The following PDE4B variants were observed in gnomAD, a reference collection of about 807,000 sequenced individuals.
PDE4B encodes the protein 3',5'-cyclic-AMP phosphodiesterase 4B.
In PDE4B, 20 loss-of-function variants were observed where a neutral mutation model predicts 82.2. The ratio of observed to expected loss-of-function variants is 0.24; its 90% confidence interval spans 0.17 to 0.35. The LOEUF (loss-of-function observed/expected upper bound fraction) is 0.35. Among genes scored for constraint, PDE4B ranks in the 10% least tolerant of loss-of-function variants. The pLI, the probability that PDE4B is intolerant of heterozygous loss-of-function variation, is 1.00. For synonymous variants in PDE4B, 320 were observed against 318.9 expected (o/e 1.00, Z -0.04); for missense variants, 655 against 907.2 (o/e 0.72, Z 3.57).
chr1:66,250,869 C>T (rs1653717159), intron 4 of PDE4B, among the ~76,000 whole-genome samples: 1 of 152,158 alleles, frequency 6.6e-6, no homozygotes, highest in Non-Finnish European at 1.5e-5. Flanking sequence ...TTGGTCATCC[C>T]ATTTTGCAAA....
intron 1 of PDE4B, among the ~76,000 whole-genome samples, chr1:65,862,670 G>T (rs979154676): frequency 6.6e-6 from 1 of 151,998 alleles, no homozygotes; most frequent in Non-Finnish European, 1.5e-5. Flanking sequence ...CTGTGAATCC[G>T]TCTGGTCCTG....
chr1:65,951,483 C>T (rs989580824), intron 3 of PDE4B, among the ~76,000 whole-genome samples: 1 of 151,980 alleles, frequency 6.6e-6, no homozygotes, highest in African/African-American at 2.4e-5. Flanking sequence ...AAAAGTGTCA[C>T]CTCTCGTCAG....
intron 3 of PDE4B, among the ~76,000 whole-genome samples, chr1:65,965,454 A>C (rs2997082): frequency 0.98 from 148,810 of 152,074 alleles, 72,890 homozygotes; most frequent in Middle Eastern, 1. Flanking sequence ...ATGAAGCGAT[A>C]CACATTAGAC....
chr1:66,037,465 G>A (rs1654128053), intron 3 of PDE4B, among the ~76,000 whole-genome samples: 2 of 152,052 alleles, frequency 1.3e-5, no homozygotes, highest in Non-Finnish European at 2.9e-5. Context: ...GTTGATTTAT[G>A]TATCCTGTAA....
intron 1 of PDE4B, among the ~76,000 whole-genome samples, chr1:65,805,240 C>T (rs1002385368): frequency 1.3e-5 from 2 of 152,222 alleles, no homozygotes; most frequent in African/African-American, 4.8e-5. Context: ...GCTGGGATTA[C>T]AGGCGTGAGC....
At chr1:65,972,050 A>G (rs1937441) in intron 3 of PDE4B, among the ~76,000 whole-genome samples, 41,366 of 152,116 alleles carry the variant, frequency 0.27, 5,898 homozygotes, top group East Asian at 0.45. Context: ...TTTCCTAGGC[A>G]GACTAGGTAG....
intron 1 of PDE4B, among the ~76,000 whole-genome samples, chr1:65,892,582 TC>T (rs1646863978): frequency 3.9e-5 from 6 of 152,080 alleles, no homozygotes; most frequent in Admixed American, 3.9e-4. Flanking sequence ...CGTGTCTGCA[TC>T]TGTACCCACC....
At chr1:66,325,686 T>C (rs1401938034) in intron 7 of PDE4B, among the ~76,000 whole-genome samples, 1 of 152,220 alleles carries the variant, frequency 6.6e-6, no homozygotes, top group Non-Finnish European at 1.5e-5. Context: ...TAGGATTTCA[T>C]GGCCAACCTT....
At chr1:65,959,585 T>G (rs1414371663) in intron 3 of PDE4B, among the ~76,000 whole-genome samples, 2 of 152,112 alleles carry the variant, frequency 1.3e-5, no homozygotes, top group East Asian at 3.9e-4. Context: ...CATTATAGCT[T>G]AGATTCTTTA....
At chr1:66,091,387 A>T (rs929820867) in intron 3 of PDE4B, among the ~76,000 whole-genome samples, 3 of 152,064 alleles carry the variant, frequency 2.0e-5, no homozygotes, top group Non-Finnish European at 4.4e-5. Context: ...AATTCCAAAA[A>T]AAATCAGGTT....
At chr1:66,100,899 G>GTA (rs1645208822) in intron 3 of PDE4B, among the ~76,000 whole-genome samples, 2 of 152,128 alleles carry the variant, frequency 1.3e-5, no homozygotes, top group Admixed American at 1.3e-4. Context: ...TGTTGCATAT[G>GTA]TATACATGTG....
At position 66,372,374 on chromosome 1, in the gene PDE4B, C is replaced by A; in HGVS notation, c.1907C>A (p.Pro636His). Residue 636 changes from proline (P) to histidine (H), a missense_variant, in exon 17 of 17, where the codon CCT becomes CAT. This residue lies in a region of PDE4B where 283 missense variants were observed against 516.4 expected (regional missense o/e 0.55). Transcript: ENST00000341517. Reference sequence around the variant, plus strand: ...GAGACATGGGCAGATTTGGTACAGCCTGATGCTCAGGACATTCTCGATACC... The same window carrying A: ...GAGACATGGGCAGATTTGGTACAGCATGATGCTCAGGACATTCTCGATACC... ...LWETWADLVQ[P>H]DAQDILDTLE... The A allele has an allele frequency of 6.2e-7, 1 of 1,614,060 alleles. No homozygotes were observed. The highest frequency in any genetic ancestry group is 8.5e-7 in the Non-Finnish European group (1 of 1,179,948).
intron 7 of PDE4B, among the ~76,000 whole-genome samples, chr1:66,268,811 A>AT (rs1234152364): frequency 6.6e-6 from 1 of 150,620 alleles, no homozygotes; most frequent in African/African-American, 2.4e-5. Flanking sequence ...AAGACATCTT[A>AT]TTTTTTTTTA....
intron 3 of PDE4B, among the ~76,000 whole-genome samples, chr1:66,005,225 G>GTCCATA (rs1204684919): frequency 1.3e-5 from 2 of 151,982 alleles, no homozygotes; most frequent in Non-Finnish European, 2.9e-5. Flanking sequence ...ATGTAAGTGA[G>GTCCATA]AGACTGGAGA....
chr1:66,066,592 G>A (rs780794228), intron 3 of PDE4B, among the ~76,000 whole-genome samples: 1 of 151,884 alleles, frequency 6.6e-6, no homozygotes, highest in African/African-American at 2.4e-5. Flanking sequence ...AGTTCCAGGT[G>A]AATTTATATG....
intron 1 of PDE4B, among the ~76,000 whole-genome samples, chr1:65,897,136 T>C (rs979923991): frequency 1.3e-5 from 2 of 152,168 alleles, no homozygotes; most frequent in African/African-American, 4.8e-5. Context: ...TATTTCTATT[T>C]TAATAAATAA....
chr1:66,361,278 C>T (rs753054542), intron 9 of PDE4B, among the ~76,000 whole-genome samples: 1 of 152,054 alleles, frequency 6.6e-6, no homozygotes, highest in Non-Finnish European at 1.5e-5. Context: ...TAAGTGTGTA[C>T]TCCTTATACA....
At chr1:66,082,985 C>T (rs1378718963) in intron 3 of PDE4B, among the ~76,000 whole-genome samples, 1 of 152,062 alleles carries the variant, frequency 6.6e-6, no homozygotes, top group Non-Finnish European at 1.5e-5. Flanking sequence ...CATAGCCAAT[C>T]ACAAAATCCT....
At chr1:65,838,561 A>G (rs1488434124) in intron 1 of PDE4B, among the ~76,000 whole-genome samples, 3 of 147,716 alleles carry the variant, frequency 2.0e-5, no homozygotes, top group Non-Finnish European at 3.0e-5. Flanking sequence ...ATATATATGT[A>G]TATGTATATA....
Sources: allele counts gnomAD v4.1 joint callset (sites outside exome capture counted in the v4.1 genomes callset), GRCh38; gene constraint gnomAD v4.1.1; regional missense constraint gnomAD v4.1.1; transcripts MANE v1.5; gene names NCBI Gene and HGNC (gene_info 2026-07-23, HGNC 2026-07-21).